The following SLC8B1 variants were observed in gnomAD, a reference collection of about 807,000 sequenced individuals.
SLC8B1 encodes the protein mitochondrial sodium/calcium exchanger protein.
A neutral mutation model predicts 63.4 loss-of-function variants in SLC8B1; 52 were observed. The observed-to-expected ratio is 0.82, with a 90% CI of 0.66 to 1.03. The LOEUF (loss-of-function observed/expected upper bound fraction) is 1.03. SLC8B1 is among the 50% of genes least tolerant of loss of function. SLC8B1 has a pLI of 0.00. For synonymous variants in SLC8B1, 336 were observed against 323.9 expected (o/e 1.04, Z -0.40); for missense variants, 657 against 741.7 (o/e 0.89, Z 1.33).
chr12:113,328,446 G>T (rs942820536), intron 2 of SLC8B1, among the ~76,000 whole-genome samples: 6 of 152,096 alleles, frequency 3.9e-5, no homozygotes, highest in African/African-American at 1.4e-4. Context: ...TACCAGAGGG[G>T]CTCTTTCTAA....
intron 15 of SLC8B1, chr12:113,302,413 C>T: frequency 3.5e-6 from 1 of 284,384 alleles, no homozygotes; most frequent in African/African-American, 2.2e-5. Flanking sequence ...TTTTGGCTTC[C>T]AGAACTGGGA....
At chr12:113,330,850 T>A (rs1230987473) in intron 2 of SLC8B1, among the ~76,000 whole-genome samples, 3 of 152,096 alleles carry the variant, frequency 2.0e-5, no homozygotes, top group Non-Finnish European at 4.4e-5. Context: ...CTCCAGTCCC[T>A]GGCAGCTACA....
chr12:113,310,470 C>T (rs185367256), intron 11 of SLC8B1, 115 bp from the exon 12 acceptor site: 3 of 1,348,840 alleles, frequency 2.2e-6, no homozygotes, highest in Admixed American at 2.8e-5. Flanking sequence ...GTCCTAGACA[C>T]TTCATGGGGG....
rs1483457326 is a variant in SLC8B1, at chr12:113,299,469, CA to C, written c.*307del. 2.8e-6 allele frequency: 1 copy of C among 353,034 alleles called. No homozygotes were observed. The highest frequency in any genetic ancestry group is 6.3e-5 in the East Asian group (1 of 15,780). The allele number at this position is 353,034 out of a possible 1,614,324, so 21.9% of individuals were successfully genotyped here. A position where few individuals can be genotyped will look rare whatever the true frequency, so the allele number is the denominator to read the frequency against. ...AGCACATCCAGCCATCCCCTTCCCC[CA>C]AACTCCAGCCCTTCTCAGAGGGGCT... On this transcript the variant is annotated 3_prime_UTR_variant, in exon 16 of 16. Coordinates refer to ENST00000680972, the MANE Select transcript of SLC8B1 (RefSeq NM_001358345.2).
intron 13 of SLC8B1, among the ~76,000 whole-genome samples, chr12:113,307,106 ATC>A (rs1566225878): frequency 3.0e-5 from 3 of 99,274 alleles, no homozygotes; most frequent in Non-Finnish European, 5.6e-5. Context: ...GCAAGCCTCC[ATC>A]TCAAAAAAAA....
intron 14 of SLC8B1, among the ~76,000 whole-genome samples, chr12:113,304,618 C>CA (rs937272602): frequency 1.3e-5 from 2 of 150,058 alleles, no homozygotes; most frequent in African/African-American, 2.4e-5. Flanking sequence ...AGACCCGTCT[C>CA]AAAAAAAAAA....
In SLC8B1 at chr12:113,333,482, T is replaced by TTA. The variant is rs370857742; in HGVS notation, c.-82-524_-82-523dup. ...TCTGTGTCTTACAAGGAGCCAAGCT[T>TTA]TACATGGATGACCTCATTCTATCCT... On this transcript the variant is annotated intron_variant, in intron 1 of 15. Transcript: ENST00000680972. Among the ~76,000 whole-genome samples the TTA allele has an allele frequency of 2.0e-5, 3 of 152,284 alleles. No individual in the cohort carries two copies. In the East Asian group the frequency reaches 5.8e-4, roughly 29 times the overall value.
chr12:113,315,006 C>T (rs1316904863), intron 11 of SLC8B1, among the ~76,000 whole-genome samples: 1 of 152,262 alleles, frequency 6.6e-6, no homozygotes, highest in African/African-American at 2.4e-5. Context: ...ACTCCACTGG[C>T]TGTGCACGGT....
intron 8 of SLC8B1, among the ~76,000 whole-genome samples, chr12:113,317,801 TTGTG>T (rs36133350): frequency 6.6e-6 from 1 of 150,792 alleles, no homozygotes; most frequent in East Asian, 1.9e-4. Context: ...GTGAGTGTAT[TTGTG>T]TGTGTGCATG....
At chr12:113,310,523 A>G (rs1956743059) in intron 11 of SLC8B1, among the ~76,000 whole-genome samples, 168 bp from the exon 12 acceptor site, 1 of 152,176 alleles carries the variant, frequency 6.6e-6, no homozygotes, top group African/African-American at 2.4e-5. Flanking sequence ...AGTTAGTCAC[A>G]TTTGAAAGAA....
At chr12:113,331,835 G>C (rs1257430991) in intron 2 of SLC8B1, among the ~76,000 whole-genome samples, 4 of 151,970 alleles carry the variant, frequency 2.6e-5, no homozygotes, top group African/African-American at 9.7e-5. Flanking sequence ...CAGATTTTGG[G>C]ACCCTCTGCT....
At chr12:113,325,789 T>A (rs1226694302) in intron 2 of SLC8B1, among the ~76,000 whole-genome samples, 2 of 151,812 alleles carry the variant, frequency 1.3e-5, no homozygotes, top group African/African-American at 4.8e-5. Flanking sequence ...GATCTCGATC[T>A]CCTGACCTTG....
chr12:113,299,117 G>T lies in SLC8B1; in HGVS notation c.*660C>A, dbSNP rs535540318. 6.5e-6 allele frequency: 1 copy of T among 153,748 alleles called. No individual in the cohort carries two copies. Among genetic ancestry groups the T allele is most frequent in the South Asian group, 2.0e-4 (1 of 4,892 alleles). The allele number at this position is 153,748 out of a possible 1,614,324, so 9.5% of individuals were successfully genotyped here. A position where few individuals can be genotyped will look rare whatever the true frequency, so the allele number is the denominator to read the frequency against. ...ACCATCCCATGTGGCAGCTGCTGGC[G>T]TAGCAGTGCCTCGGGCTGGCATCGT... On this transcript the variant is annotated 3_prime_UTR_variant, in exon 16 of 16. Coordinates refer to ENST00000680972, the MANE Select transcript of SLC8B1 (RefSeq NM_001358345.2).
chr12:113,308,888 C>T (rs904950938), intron 12 of SLC8B1: 17 of 152,292 alleles, frequency 1.1e-4, no homozygotes, highest in African/African-American at 4.1e-4. Flanking sequence ...ATGTCTCACT[C>T]TGTTGCCCAG....
At chr12:113,329,120 C>T (rs1957029067) in intron 2 of SLC8B1, among the ~76,000 whole-genome samples, 1 of 152,164 alleles carries the variant, frequency 6.6e-6, no homozygotes, top group African/African-American at 2.4e-5. Flanking sequence ...AGAGTAGGCC[C>T]TCCTAACAGT....
rs770049033 is a variant in SLC8B1 at position 113,316,612 on chromosome 12, G to A, written c.907C>T (p.Gln303Ter). ...PLFFYQETTA[Q>*]ILVRALNPLD... ...GGATTGAGGGCCCGGACCAGGATCT[G>A]AGCCGTGGTCTCCTGGTAGAAGAAC... The change falls in exon 10 of 16, where the codon CAG becomes TAG. Residue 303 changes from glutamine (Q) to a stop codon, truncating the protein, a stop_gained. Coordinates refer to ENST00000680972, the MANE Select transcript of SLC8B1 (RefSeq NM_001358345.2). LOFTEE classifies it high-confidence loss of function. 1 of 1,614,172 alleles carries A rather than the reference G, an allele frequency of 6.2e-7. No homozygotes were observed. Among genetic ancestry groups the A allele is most frequent in the Non-Finnish European group, 8.5e-7 (1 of 1,180,040 alleles).
chr12:113,309,776 T>C (rs1391070651), intron 12 of SLC8B1, among the ~76,000 whole-genome samples: 1 of 151,866 alleles, frequency 6.6e-6, no homozygotes, highest in Non-Finnish European at 1.5e-5. Flanking sequence ...AAATCACATA[T>C]TGTAGGATTC....
chr12:113,308,776 G>C (rs1229416097), intron 12 of SLC8B1: 1 of 152,090 alleles, frequency 6.6e-6, no homozygotes, highest in African/African-American at 2.4e-5. Flanking sequence ...AACACCCTTC[G>C]GTTGGTACAT....
Position 113,320,556 on chromosome 12 carries a change from C to T in SLC8B1, c.526+25G>A, listed in dbSNP as rs1216483968. On this transcript the variant is annotated intron_variant, in intron 6 of 15. Transcript: ENST00000680972. This position sits in a 1 kb window ranked among gnomAD's most constrained non-coding sequence, Gnocchi z 5.3. ...GCACCCTCTCCTGCTGCTTTCCCCGCCCCCCTCACTGGGGCTGCTCTCACC... is the reference window on the plus strand; with the variant it reads ...GCACCCTCTCCTGCTGCTTTCCCCGTCCCCCTCACTGGGGCTGCTCTCACC... 3.1e-6 allele frequency: 5 copies of T among 1,613,914 alleles called. No homozygotes were observed. The highest frequency in any genetic ancestry group is 3.4e-6 in the Non-Finnish European group (4 of 1,179,962).
Sources: allele counts gnomAD v4.1 joint callset (sites outside exome capture counted in the v4.1 genomes callset), GRCh38; gene constraint gnomAD v4.1.1; non-coding constraint Gnocchi (gnomAD v3.1); transcripts MANE v1.5; gene names NCBI Gene and HGNC (gene_info 2026-07-23, HGNC 2026-07-21).